The following AKAP6 variants were observed in gnomAD, a reference collection of about 807,000 sequenced individuals.
AKAP6 encodes the protein A-kinase anchor protein 6.
Under a neutral mutation model 188.5 loss-of-function variants are expected in AKAP6, and 58 were observed. The ratio of observed to expected loss-of-function variants is 0.31; its 90% CI spans 0.25 to 0.38. AKAP6 has a LOEUF of 0.38. Among genes scored for constraint, AKAP6 ranks in the 10% least tolerant of loss-of-function variants. AKAP6 has a pLI of 1.00. For missense variants in AKAP6, 2,710 were observed against 2,740.0 expected (o/e 0.99, Z 0.24); for synonymous variants, 989 against 998.6 (o/e 0.99, Z 0.18).
chr14:32,336,201 G>A (rs1475145470), intron 1 of AKAP6, among the ~76,000 whole-genome samples: 1 of 151,430 alleles, frequency 6.6e-6, no homozygotes, highest in East Asian at 1.9e-4. Context: ...GGCACTTGCT[G>A]CACAGGAAAA....
At chr14:32,658,338 T>C (rs1240529167) in intron 7 of AKAP6, among the ~76,000 whole-genome samples, 3 of 152,140 alleles carry the variant, frequency 2.0e-5, no homozygotes, top group Non-Finnish European at 4.4e-5. Flanking sequence ...CCTTTTTTAT[T>C]TTAATGATGT....
rs376401472 is a variant in AKAP6 at position 32,787,704 on chromosome 14, A to C, written c.3588+13811A>C. ...TACTTACAAGAGAGATCGCTGTTAA[A>C]AAAAGTCTTTATGCATGTCAAAAAC... On this transcript the variant is annotated intron_variant, in intron 12 of 13. Coordinates refer to ENST00000280979, the MANE Select transcript of AKAP6 (RefSeq NM_004274.5). Among the ~76,000 whole-genome samples, 53 of 152,332 alleles carry C rather than the reference A, an allele frequency of 3.5e-4. No individual in the cohort carries two copies. The East Asian group carries it at 9.8e-3, about 28-fold the overall frequency.
chr14:32,660,927 C>T (rs867284047), intron 7 of AKAP6, among the ~76,000 whole-genome samples: 3 of 83,324 alleles, frequency 3.6e-5, no homozygotes, highest in African/African-American at 1.7e-4. Context: ...CCCCGCCACC[C>T]CCCCCCCTCC....
At chr14:32,721,578 T>C (rs943404878) in intron 9 of AKAP6, among the ~76,000 whole-genome samples, 2 of 152,218 alleles carry the variant, frequency 1.3e-5, no homozygotes, top group Non-Finnish European at 2.9e-5. Context: ...AAGACAGTTT[T>C]AGAATTTTCA....
intron 7 of AKAP6, among the ~76,000 whole-genome samples, chr14:32,619,746 G>C (rs1886736219): frequency 6.6e-6 from 1 of 152,054 alleles, no homozygotes; most frequent in Admixed American, 6.6e-5. Flanking sequence ...CATTGAATCT[G>C]TAGATTGCTT....
Position 32,633,537 on chromosome 14 carries a change from G to C in AKAP6, c.2730+32745G>C, listed in dbSNP as rs184941053. On this transcript the variant is annotated intron_variant, in intron 7 of 13. Coordinates refer to ENST00000280979, the MANE Select transcript of AKAP6 (RefSeq NM_004274.5). ...TCAACTTTTAGCTTGGCTGGTATGA[G>C]CTTTGGACAATGGTAAGTGAGCAGA... 1.2e-4 allele frequency among the ~76,000 whole-genome samples: 19 copies of C among 152,164 alleles called. No individual in the cohort carries two copies. In the East Asian group the frequency reaches 2.9e-3, roughly 23 times the overall value.
intron 1 of AKAP6, among the ~76,000 whole-genome samples, chr14:32,426,834 G>T (rs1890047743): frequency 6.6e-6 from 1 of 152,162 alleles, no homozygotes; most frequent in Admixed American, 6.5e-5. Flanking sequence ...GCCATGGGAA[G>T]ATCTGAATAA....
intron 7 of AKAP6, among the ~76,000 whole-genome samples, chr14:32,661,546 A>C (rs1337164006): frequency 1.3e-5 from 2 of 152,122 alleles, no homozygotes; most frequent in Non-Finnish European, 2.9e-5. Flanking sequence ...AGACAAGTAC[A>C]TTGGGCCTTG....
chr14:32,436,340 C>T (rs1157191516), intron 2 of AKAP6, among the ~76,000 whole-genome samples: 3 of 152,292 alleles, frequency 2.0e-5, no homozygotes, highest in African/African-American at 7.2e-5. Context: ...CTCTAGTGGG[C>T]ATCTCAAGCC....
At chr14:32,351,491 G>A (rs1887265604) in intron 1 of AKAP6, among the ~76,000 whole-genome samples, 1 of 151,866 alleles carries the variant, frequency 6.6e-6, no homozygotes, top group Non-Finnish European at 1.5e-5. Context: ...GAACCCTGGA[G>A]GCAGAGGCTG....
At chr14:32,760,792 T>G (rs1193193312) in intron 11 of AKAP6, among the ~76,000 whole-genome samples, 2 of 152,224 alleles carry the variant, frequency 1.3e-5, no homozygotes, top group Non-Finnish European at 2.9e-5. Context: ...AGTTATTATA[T>G]TTCCTTTTCA....
chr14:32,685,480 T>C (rs1243832817), intron 8 of AKAP6, among the ~76,000 whole-genome samples: 1 of 151,954 alleles, frequency 6.6e-6, no homozygotes, highest in South Asian at 2.1e-4. Context: ...ATCCCAGCAC[T>C]TTGGGAGGCC....
At chr14:32,350,415 C>T (rs8020196) in intron 1 of AKAP6, among the ~76,000 whole-genome samples, 31,452 of 151,880 alleles carry the variant, frequency 0.21, 3,502 homozygotes, top group East Asian at 0.37. Flanking sequence ...GGCCTGTATT[C>T]CTCCAGACTA....
At chr14:32,747,018 A>G (rs1166916873) in intron 11 of AKAP6, among the ~76,000 whole-genome samples, 2 of 152,240 alleles carry the variant, frequency 1.3e-5, no homozygotes, top group Non-Finnish European at 2.9e-5. Flanking sequence ...ATTTACTTTT[A>G]CAGAATAAAG....
intron 1 of AKAP6, among the ~76,000 whole-genome samples, chr14:32,425,321 A>G (rs1448238379): frequency 6.6e-6 from 1 of 151,912 alleles, no homozygotes; most frequent in South Asian, 2.1e-4. Context: ...CATTGGCTGG[A>G]TGCGGTGGCT....
chr14:32,380,974 G>C (rs1888337005), intron 1 of AKAP6, among the ~76,000 whole-genome samples: 2 of 151,986 alleles, frequency 1.3e-5, no homozygotes, highest in South Asian at 4.1e-4. Flanking sequence ...TTACAATTCA[G>C]TGGAAGAAAC....
intron 12 of AKAP6, among the ~76,000 whole-genome samples, chr14:32,786,465 G>T (rs925224254): frequency 1.4e-5 from 2 of 144,044 alleles, no homozygotes; most frequent in African/African-American, 5.0e-5. Context: ...CCACCACCAC[G>T]CCCGGCTAAT....
intron 5 of AKAP6, among the ~76,000 whole-genome samples, chr14:32,577,889 A>G (rs1376924892): frequency 6.6e-6 from 1 of 152,136 alleles, no homozygotes; most frequent in Non-Finnish European, 1.5e-5. Flanking sequence ...TTTTTACTGA[A>G]TGCTTCAAAT....
intron 9 of AKAP6, among the ~76,000 whole-genome samples, chr14:32,718,522 A>C (rs892477678): frequency 2.0e-5 from 3 of 152,172 alleles, no homozygotes; most frequent in Non-Finnish European, 4.4e-5. Context: ...TGTTCTTGCT[A>C]TGAGAAAACA....
Sources: allele counts gnomAD v4.1 joint callset (sites outside exome capture counted in the v4.1 genomes callset), GRCh38; gene constraint gnomAD v4.1.1; transcripts MANE v1.5; gene names NCBI Gene and HGNC (gene_info 2026-07-23, HGNC 2026-07-21).